Variants in SCHIP1 observed in about 807,000 individuals in gnomAD.
The protein encoded by SCHIP1 is schwannomin interacting protein 1.
A neutral mutation model predicts 29.7 loss-of-function variants in SCHIP1; 8 were observed. That is an observed-to-expected ratio of 0.27 (90% CI 0.16 to 0.49). The LOEUF is 0.49. Ranked by LOEUF, SCHIP1 falls within the 20% of genes least tolerant of loss-of-function variation. The probability of loss-of-function intolerance (pLI) is 0.99; values close to 1 mark genes in which losing one functional copy is unlikely to be tolerated. For missense variants in SCHIP1, 193 were observed against 294.6 expected, an observed-to-expected ratio of 0.66 and a Z score of 2.52; for synonymous variants, 76 against 94.9, an observed-to-expected ratio of 0.80 and a Z score of 1.16.
chr3:159,641,072 T>A, the SCHIP1 span, among the ~76,000 whole-genome samples: 1 of 152,122 alleles, frequency 6.6e-6, no homozygotes, highest in Non-Finnish European at 1.5e-5. Flanking sequence ...TTCTCATAAA[T>A]TTTTTTAGGG....
At chr3:159,639,095 G>A in the SCHIP1 span, among the ~76,000 whole-genome samples, 1 of 151,900 alleles carries the variant, frequency 6.6e-6, no homozygotes, top group Non-Finnish European at 1.5e-5. Flanking sequence ...AAATCCCCAA[G>A]TTTTGTTATT....
At chr3:159,399,890 C>T in the SCHIP1 span, among the ~76,000 whole-genome samples, 1 of 152,186 alleles carries the variant, frequency 6.6e-6, no homozygotes, top group Non-Finnish European at 1.5e-5. Context: ...GTTGCCCAGG[C>T]TGGTATTGAT....
At chr3:159,315,878 G>A in the SCHIP1 span, among the ~76,000 whole-genome samples, 216 of 151,914 alleles carry the variant, frequency 1.4e-3, no homozygotes, top group African/African-American at 4.9e-3. Flanking sequence ...ACATAAAAAG[G>A]CACAGTGAAA....
the SCHIP1 span, among the ~76,000 whole-genome samples, chr3:159,778,867 G>A: frequency 3.3e-5 from 5 of 152,194 alleles, no homozygotes; most frequent in Admixed American, 3.3e-4. Context: ...ACGGCCTGTG[G>A]AGGGTGAATC....
At chr3:159,724,601 AC>A in the SCHIP1 span, among the ~76,000 whole-genome samples, 1 of 152,196 alleles carries the variant, frequency 6.6e-6, no homozygotes, top group African/African-American at 2.4e-5. Flanking sequence ...CTCCCATTTC[AC>A]AAAATCTTGC....
chr3:159,386,971 A>C, the SCHIP1 span: 1 of 156,818 alleles, frequency 6.4e-6, no homozygotes, highest in African/African-American at 2.4e-5. Context: ...TGTAGCAGTC[A>C]TTGACACTGG....
the SCHIP1 span, among the ~76,000 whole-genome samples, chr3:159,561,978 T>A: frequency 6.6e-6 from 1 of 152,224 alleles, no homozygotes; most frequent in Non-Finnish European, 1.5e-5. Flanking sequence ...AGGAATTATT[T>A]TCAACAAACC....
the SCHIP1 span, among the ~76,000 whole-genome samples, chr3:159,469,382 T>C: frequency 3.6e-4 from 55 of 152,296 alleles, no homozygotes; most frequent in African/African-American, 1.3e-3. Flanking sequence ...AATTTAAGCA[T>C]AATTATTAGC....
the SCHIP1 span, among the ~76,000 whole-genome samples, chr3:159,784,807 C>T: frequency 3.9e-5 from 6 of 152,160 alleles, no homozygotes; most frequent in African/African-American, 1.4e-4. Flanking sequence ...ACGCGTGCCA[C>T]CATGCCCAGC....
the SCHIP1 span, among the ~76,000 whole-genome samples, chr3:159,732,557 A>G: frequency 4.6e-5 from 7 of 152,194 alleles, no homozygotes; most frequent in African/African-American, 1.7e-4. Context: ...GAAGGAAAAA[A>G]CAAGGTTACA....
the SCHIP1 span, among the ~76,000 whole-genome samples, chr3:159,371,564 G>A: frequency 4.1e-4 from 62 of 152,248 alleles, no homozygotes; most frequent in African/African-American, 1.4e-3. Flanking sequence ...AAGAAATAGT[G>A]TATATGGAAG....
At chr3:159,561,564 T>C in the SCHIP1 span, among the ~76,000 whole-genome samples, 1 of 152,172 alleles carries the variant, frequency 6.6e-6, no homozygotes. Context: ...GATCAAATTA[T>C]TGTACATGAA....
the SCHIP1 span, among the ~76,000 whole-genome samples, chr3:159,536,206 G>C: frequency 1.3e-5 from 2 of 152,176 alleles, no homozygotes; most frequent in East Asian, 1.9e-4. Flanking sequence ...TTTTCACAGA[G>C]TTTTCTTTAG....
At chr3:159,816,723 C>T in the SCHIP1 span, among the ~76,000 whole-genome samples, 1 of 152,246 alleles carries the variant, frequency 6.6e-6, no homozygotes. Context: ...ATCAGCCCTG[C>T]TGACCTCTGG....
the SCHIP1 span, among the ~76,000 whole-genome samples, chr3:159,450,978 T>G: frequency 8.7e-4 from 133 of 152,032 alleles, no homozygotes; most frequent in African/African-American, 3.1e-3. Flanking sequence ...CCAGCTAATT[T>G]TTTGTATTTT....
At chr3:159,384,299 T>A in the SCHIP1 span, among the ~76,000 whole-genome samples, 30 of 151,996 alleles carry the variant, frequency 2.0e-4, no homozygotes, top group African/African-American at 7.0e-4. Context: ...ACCTAACTTA[T>A]TGAGAGTTTT....
chr3:159,508,653 T>G, the SCHIP1 span, among the ~76,000 whole-genome samples: 161 of 152,332 alleles, frequency 1.1e-3, no homozygotes, highest in African/African-American at 3.6e-3. Context: ...GTTCCAGAGA[T>G]TCTGGTATGT....
the SCHIP1 span, among the ~76,000 whole-genome samples, chr3:159,602,718 AAAG>A: frequency 0.17 from 25,793 of 149,072 alleles, 6,998 homozygotes; most frequent in African/African-American, 0.59. Context: ...CAAAAAAAAA[AAAG>A]AAAGAAACAA....
the SCHIP1 span, among the ~76,000 whole-genome samples, chr3:159,725,938 T>C: frequency 6.6e-6 from 1 of 152,192 alleles, no homozygotes; most frequent in Non-Finnish European, 1.5e-5. Flanking sequence ...AAAGAAATGA[T>C]GTAAAATTCC....
Sources: gnomAD v4.1 joint callset for allele counts (sites outside exome capture counted in the v4.1 genomes callset) on GRCh38, gnomAD v4.1.1 for gene constraint, MANE v1.5 for transcripts, NCBI Gene and HGNC (gene_info 2026-07-23, HGNC 2026-07-21) for gene names.